Variants in AGBL4 observed in about 807,000 individuals in gnomAD.
The protein encoded by AGBL4 is cytosolic carboxypeptidase 6.
In AGBL4, 58 loss-of-function variants were observed where a neutral mutation model predicts 66.4. That is an observed-to-expected ratio of 0.87 (90% CI 0.71 to 1.09). The LOEUF is 1.09. Among genes scored for constraint, AGBL4 ranks in the 50% least tolerant of loss-of-function variants. The pLI, the probability that AGBL4 is intolerant of heterozygous loss-of-function variation, is 0.00. For synonymous variants in AGBL4, 234 were observed against 222.9 expected (o/e 1.05, Z -0.44); for missense variants, 579 against 631.0 (o/e 0.92, Z 0.88).
At chr1:48,782,349 A>G (rs938917069) in intron 6 of AGBL4, among the ~76,000 whole-genome samples, 2 of 152,232 alleles carry the variant, frequency 1.3e-5, no homozygotes, top group African/African-American at 4.8e-5. Flanking sequence ...GGTTAATGTC[A>G]GGCTCCTTTG....
chr1:49,703,977 G>A (rs901475963), intron 2 of AGBL4, among the ~76,000 whole-genome samples: 1 of 151,892 alleles, frequency 6.6e-6, no homozygotes, highest in Non-Finnish European at 1.5e-5. Flanking sequence ...CCCATCCATG[G>A]TTGAAACAAA....
intron 5 of AGBL4, among the ~76,000 whole-genome samples, chr1:48,869,582 A>G (rs74860670): frequency 0.011 from 1,747 of 152,344 alleles, 23 homozygotes; most frequent in Non-Finnish European, 0.017. Context: ...AAAAGCTGAC[A>G]GAGTCAGACA....
intron 4 of AGBL4, among the ~76,000 whole-genome samples, chr1:49,135,408 C>G (rs1046135712): frequency 2.0e-5 from 3 of 151,992 alleles, no homozygotes; most frequent in African/African-American, 7.2e-5. Flanking sequence ...CTGGGAGACC[C>G]TGACCCAGCA....
chr1:49,742,485 T>C (rs1650594866), intron 2 of AGBL4, among the ~76,000 whole-genome samples: 1 of 151,558 alleles, frequency 6.6e-6, no homozygotes, highest in Non-Finnish European at 1.5e-5. Flanking sequence ...CCCAAGGTAA[T>C]TTACAGATTC....
At chr1:49,315,680 T>G (rs913622109) in intron 3 of AGBL4, among the ~76,000 whole-genome samples, 2 of 151,896 alleles carry the variant, frequency 1.3e-5, no homozygotes, top group African/African-American at 4.8e-5. Flanking sequence ...AAATAGTACA[T>G]CTACTTTGGG....
In AGBL4 at chr1:48,736,491, C is replaced by A. The variant is rs773880500; in HGVS notation, c.635-73250G>T. On this transcript the variant is annotated intron_variant, in intron 6 of 13. Coordinates refer to ENST00000371839, the MANE Select transcript of AGBL4 (RefSeq NM_032785.4). The surrounding 1 kb of genome is among the most constrained non-coding windows in gnomAD (Gnocchi z 4.0). The stretch of plus-strand genomic sequence containing the variant: ...GAACACCAGCACCTGTTTAGTCCGA[C>A]AGGAGGGCAGTGGGAGGCTTCTCTT... The A allele has an allele frequency of 1.9e-6, 3 of 1,573,806 alleles. No homozygotes were observed. Among genetic ancestry groups the A allele is most frequent in the African/African-American group, 2.7e-5 (2 of 73,902 alleles).
At chr1:49,091,443 T>C (rs1227378159) in intron 4 of AGBL4, among the ~76,000 whole-genome samples, 1 of 151,966 alleles carries the variant, frequency 6.6e-6, no homozygotes, top group African/African-American at 2.4e-5. Context: ...CAAAAAATGC[T>C]GAACATCACT....
chr1:49,554,440 T>C (rs1653237608), intron 3 of AGBL4, among the ~76,000 whole-genome samples: 1 of 152,198 alleles, frequency 6.6e-6, no homozygotes, highest in South Asian at 2.1e-4. Flanking sequence ...AGAGACATAA[T>C]AATAAAACAA....
At chr1:48,660,330 T>C (rs1020168011) in intron 7 of AGBL4, among the ~76,000 whole-genome samples, 2 of 152,210 alleles carry the variant, frequency 1.3e-5, no homozygotes, top group Non-Finnish European at 2.9e-5. Flanking sequence ...CCCAGCCAGA[T>C]GGGCACAACC....
intron 3 of AGBL4, among the ~76,000 whole-genome samples, chr1:49,561,337 T>C (rs921188520): frequency 6.6e-6 from 1 of 151,718 alleles, no homozygotes; most frequent in Non-Finnish European, 1.5e-5. Flanking sequence ...TACCCTAAAG[T>C]TTTAGGGTAC....
intron 5 of AGBL4, among the ~76,000 whole-genome samples, chr1:48,921,488 C>A (rs956011688): frequency 2.0e-5 from 3 of 152,146 alleles, no homozygotes; most frequent in South Asian, 4.1e-4. Context: ...CAAATTACAC[C>A]TTTGTTATTT....
intron 3 of AGBL4, among the ~76,000 whole-genome samples, chr1:49,264,977 G>A (rs1570274855): frequency 6.6e-6 from 1 of 151,728 alleles, no homozygotes; most frequent in African/African-American, 2.4e-5. Flanking sequence ...TATCTTTTAT[G>A]GTTATTTTCT....
At chr1:49,816,429 T>G (rs575318068) in intron 2 of AGBL4, among the ~76,000 whole-genome samples, 1 of 152,260 alleles carries the variant, frequency 6.6e-6, no homozygotes, top group South Asian at 2.1e-4. Flanking sequence ...CCAAGCATAT[T>G]TGCCACTTAG....
chr1:48,593,037 A>T (rs1348768096), intron 9 of AGBL4, among the ~76,000 whole-genome samples: 1 of 152,220 alleles, frequency 6.6e-6, no homozygotes, highest in Non-Finnish European at 1.5e-5. Context: ...TTGATTGATC[A>T]TATAATCTGA....
intron 4 of AGBL4, among the ~76,000 whole-genome samples, chr1:49,119,804 G>C (rs1478636125): frequency 6.6e-6 from 1 of 152,144 alleles, no homozygotes; most frequent in East Asian, 1.9e-4. Flanking sequence ...CTATTACTGT[G>C]TAGGAGTCTA....
intron 10 of AGBL4, among the ~76,000 whole-genome samples, chr1:48,589,757 T>A (rs1569908614): frequency 6.6e-6 from 1 of 152,290 alleles, no homozygotes. Context: ...GGATAGAAAT[T>A]ATCGTCCAGC....
At chr1:48,672,061 C>G (rs1448338217) in intron 6 of AGBL4, among the ~76,000 whole-genome samples, 2 of 152,180 alleles carry the variant, frequency 1.3e-5, no homozygotes, top group Non-Finnish European at 2.9e-5. Flanking sequence ...GAGGTGAAAG[C>G]TGGGATGAAA....
chr1:49,340,109 C>T (rs1242787226), intron 3 of AGBL4, among the ~76,000 whole-genome samples: 6 of 151,584 alleles, frequency 4.0e-5, no homozygotes, highest in East Asian at 1.9e-4. Flanking sequence ...TCTTTTTTTT[C>T]CCTTCCACAG....
intron 6 of AGBL4, among the ~76,000 whole-genome samples, chr1:48,799,143 C>T (rs1463923181): frequency 2.0e-5 from 3 of 152,192 alleles, no homozygotes; most frequent in African/African-American, 4.8e-5. Context: ...TCTACCCATC[C>T]ATTAACATGG....
Sources: gnomAD v4.1 joint callset for allele counts (sites outside exome capture counted in the v4.1 genomes callset) on GRCh38, gnomAD v4.1.1 for gene constraint, Gnocchi (gnomAD v3.1) non-coding constraint, MANE v1.5 for transcripts, NCBI Gene and HGNC (gene_info 2026-07-23, HGNC 2026-07-21) for gene names.